Variants in SPOCK1 observed in about 807,000 individuals in gnomAD.
SPOCK1 encodes SPARC (osteonectin), cwcv and kazal like domains proteoglycan 1, also known as testican-1.
SPOCK1 carries 23 observed loss-of-function variants against 55.3 expected under a neutral mutation model. The ratio of observed to expected loss-of-function variants is 0.42; its 90% confidence interval spans 0.30 to 0.59. SPOCK1 has a LOEUF of 0.59. Among genes scored for constraint, SPOCK1 ranks in the 20% least tolerant of loss-of-function variants. The pLI is 0.22. For missense variants in SPOCK1, 499 were observed against 552.5 expected (o/e 0.90, Z 0.97); for synonymous variants, 226 against 221.0 (o/e 1.02, Z -0.20).
chr5:137,034,000 A>G lies in SPOCK1; in HGVS notation c.589+33715T>C, dbSNP rs1751832402. Among the ~76,000 whole-genome samples, 2 of 152,368 alleles carry G rather than the reference A, an allele frequency of 1.3e-5. 1 individual carries two copies. Among genetic ancestry groups the G allele is most frequent in the Middle Eastern group, 6.8e-3 (2 of 294 alleles). On this transcript the variant is annotated intron_variant, in intron 6 of 10. Transcript: ENST00000394945. ...TGTCTCCCACTAAACTGTAAGCTCC[A>G]TGAGAGCAGAACCCTTTTCTTTTTT...
intron 2 of SPOCK1, among the ~76,000 whole-genome samples, chr5:137,338,791 GTGTTTTT>G (rs1367190468): frequency 3.3e-5 from 5 of 152,100 alleles, no homozygotes; most frequent in Non-Finnish European, 7.4e-5. Context: ...ATTTTTTCAT[GTGTTTTT>G]TGGCCGCATA....
intron 5 of SPOCK1, among the ~76,000 whole-genome samples, chr5:137,106,216 C>T (rs1458693479): frequency 2.0e-5 from 3 of 151,932 alleles, no homozygotes; most frequent in Non-Finnish European, 4.4e-5. Context: ...CACCAGATCT[C>T]CTCCCATTTT....
intron 5 of SPOCK1, among the ~76,000 whole-genome samples, chr5:137,069,148 A>G (rs898752512): frequency 6.6e-6 from 1 of 152,238 alleles, no homozygotes; most frequent in Non-Finnish European, 1.5e-5. Context: ...GCTCATTGTA[A>G]GAGGACAAGC....
chr5:137,162,100 C>T (rs972837639), intron 3 of SPOCK1, among the ~76,000 whole-genome samples: 2 of 150,758 alleles, frequency 1.3e-5, no homozygotes, highest in African/African-American at 2.4e-5. Flanking sequence ...ATCAATGTAC[C>T]ATTCCCATTT....
intron 2 of SPOCK1, among the ~76,000 whole-genome samples, chr5:137,344,479 A>C (rs1229215013): frequency 6.6e-6 from 1 of 152,240 alleles, no homozygotes; most frequent in Non-Finnish European, 1.5e-5. Flanking sequence ...TCAGGGCAGC[A>C]GTTCTTAAGC....
chr5:137,458,679 C>A (rs1427322581), intron 2 of SPOCK1, among the ~76,000 whole-genome samples: 1 of 152,046 alleles, frequency 6.6e-6, no homozygotes, highest in African/African-American at 2.4e-5. Flanking sequence ...TTTTTTTTAG[C>A]TTTTACCAAT....
intron 3 of SPOCK1, among the ~76,000 whole-genome samples, chr5:137,256,589 C>T (rs1401399290): frequency 4.6e-5 from 7 of 152,124 alleles, no homozygotes; most frequent in South Asian, 2.1e-4. Flanking sequence ...AGCTCCCCTA[C>T]GCCCCACCTC....
chr5:137,470,485 C>G (rs1021341180), intron 2 of SPOCK1, among the ~76,000 whole-genome samples: 1 of 152,088 alleles, frequency 6.6e-6, no homozygotes. Flanking sequence ...CAAACCCAGA[C>G]AGAGGTAGAG....
At chr5:137,484,266 A>T (rs1270196594) in intron 2 of SPOCK1, among the ~76,000 whole-genome samples, 1 of 152,202 alleles carries the variant, frequency 6.6e-6, no homozygotes, top group Admixed American at 6.5e-5. Flanking sequence ...TAATATCCCC[A>T]CAACCAGTTC....
At chr5:137,060,627 T>C (rs1364833601) in intron 6 of SPOCK1, among the ~76,000 whole-genome samples, 1 of 120,202 alleles carries the variant, frequency 8.3e-6, no homozygotes, top group Non-Finnish European at 2.1e-5. Context: ...ATGTTAATTT[T>C]GTACATAAAA....
intron 6 of SPOCK1, among the ~76,000 whole-genome samples, chr5:137,065,123 G>C (rs529308864): frequency 6.6e-6 from 1 of 151,676 alleles, no homozygotes; most frequent in Non-Finnish European, 1.5e-5. Context: ...AGCTACTAGG[G>C]AGGATGAGGC....
At chr5:137,088,539 A>T in intron 5 of SPOCK1, among the ~76,000 whole-genome samples, 1 of 152,210 alleles carries the variant, frequency 6.6e-6, no homozygotes, top group Non-Finnish European at 1.5e-5. Flanking sequence ...CTCTGAGAGA[A>T]AGTTTGCTAA....
chr5:137,243,454 A>G (rs1390506829), intron 3 of SPOCK1, among the ~76,000 whole-genome samples: 2 of 152,228 alleles, frequency 1.3e-5, no homozygotes, highest in Non-Finnish European at 2.9e-5. Flanking sequence ...ATTGATAGAA[A>G]AAAAGGTGAG....
chr5:137,011,013 T>C (rs1247443310), intron 6 of SPOCK1, among the ~76,000 whole-genome samples: 1 of 152,200 alleles, frequency 6.6e-6, no homozygotes, highest in Non-Finnish European at 1.5e-5. Flanking sequence ...GTAATTTAGT[T>C]TATCTGTGTC....
At chr5:137,442,473 G>A (rs143620871) in intron 2 of SPOCK1, among the ~76,000 whole-genome samples, 128 of 152,308 alleles carry the variant, frequency 8.4e-4, no homozygotes, top group African/African-American at 2.9e-3. Flanking sequence ...AAATGACAAT[G>A]ATATTACCTA....
chr5:137,144,648 T>C (rs1018803522), intron 3 of SPOCK1, among the ~76,000 whole-genome samples: 7 of 152,284 alleles, frequency 4.6e-5, no homozygotes, highest in African/African-American at 1.7e-4. Flanking sequence ...ACGTTTTACC[T>C]AGCAGCCTCA....
At chr5:137,365,240 G>A (rs1389066490) in intron 2 of SPOCK1, 4 of 152,266 alleles carry the variant, frequency 2.6e-5, no homozygotes, top group African/African-American at 7.2e-5. Context: ...AAACAAGTGA[G>A]GAGAGCCCCA....
intron 2 of SPOCK1, among the ~76,000 whole-genome samples, chr5:137,270,175 A>G (rs984768265): frequency 1.3e-5 from 2 of 152,224 alleles, no homozygotes; most frequent in African/African-American, 4.8e-5. Context: ...GGCTTGTTAA[A>G]ATTCAAACTG....
intron 2 of SPOCK1, among the ~76,000 whole-genome samples, chr5:137,418,884 G>C (rs1349089367): frequency 6.6e-6 from 1 of 152,198 alleles, no homozygotes; most frequent in Non-Finnish European, 1.5e-5. Context: ...CCATGCCTAT[G>C]TCCTGAATGG....
Sources: allele counts gnomAD v4.1 joint callset (sites outside exome capture counted in the v4.1 genomes callset), GRCh38; gene constraint gnomAD v4.1.1; transcripts MANE v1.5; gene names NCBI Gene and HGNC (gene_info 2026-07-23, HGNC 2026-07-21).